Variants in TGFB2 observed in about 807,000 individuals in gnomAD.
TGFB2 encodes transforming growth factor beta 2.
TGFB2 carries 13 observed loss-of-function variants against 42.7 expected under a neutral mutation model. The observed-to-expected ratio is 0.30, with a 90% CI of 0.20 to 0.48. The LOEUF is 0.48. Ranked by LOEUF, TGFB2 falls within the 20% of genes least tolerant of loss-of-function variation. The pLI is 0.99. For synonymous variants in TGFB2, 193 were observed against 193.6 expected, an observed-to-expected ratio of 1.00 and a Z score of 0.03; for missense variants, 390 against 517.5, an observed-to-expected ratio of 0.75 and a Z score of 2.39.
chr1:218,361,957 G>A (rs796588899), intron 1 of TGFB2, among the ~76,000 whole-genome samples: 8 of 152,304 alleles, frequency 5.3e-5, no homozygotes, highest in African/African-American at 1.7e-4. Context: ...TTGGGTCTTC[G>A]TCTTCCATGC....
chr1:218,371,599 T>C (rs1490240007), intron 1 of TGFB2, among the ~76,000 whole-genome samples: 1 of 152,202 alleles, frequency 6.6e-6, no homozygotes, highest in African/African-American at 2.4e-5. Flanking sequence ...GGAGTTTATG[T>C]ATGTCCGGCA....
chr1:218,413,836 A>G (rs1659183074), intron 2 of TGFB2, among the ~76,000 whole-genome samples: 1 of 152,246 alleles, frequency 6.6e-6, no homozygotes, highest in Non-Finnish European at 1.5e-5. Context: ...TCTAGAGGCT[A>G]TCGGTTGCAA....
intron 1 of TGFB2, among the ~76,000 whole-genome samples, chr1:218,372,227 G>A (rs1657596436): frequency 6.6e-6 from 1 of 152,200 alleles, no homozygotes; most frequent in South Asian, 2.1e-4. Context: ...GCCCTGTTGT[G>A]TGTATGATGC....
At chr1:218,394,523 C>T (rs533633564) in intron 1 of TGFB2, among the ~76,000 whole-genome samples, 4 of 152,126 alleles carry the variant, frequency 2.6e-5, no homozygotes, top group South Asian at 4.2e-4. Context: ...GCTGACAGTA[C>T]GCACAGTCTC....
chr1:218,391,118 A>T (rs1276933273), intron 1 of TGFB2, among the ~76,000 whole-genome samples: 2 of 152,214 alleles, frequency 1.3e-5, no homozygotes, highest in African/African-American at 4.8e-5. Context: ...AAGGAAGTAT[A>T]TTTTGAAACG....
chr1:218,429,652 C>T (rs1039717922), intron 2 of TGFB2, among the ~76,000 whole-genome samples: 2 of 152,152 alleles, frequency 1.3e-5, no homozygotes, highest in African/African-American at 4.8e-5. Context: ...CAATGTTTGC[C>T]TTTTTGAGGA....
At chr1:218,359,852 C>CT (rs1283037634) in intron 1 of TGFB2, among the ~76,000 whole-genome samples, 2 of 152,148 alleles carry the variant, frequency 1.3e-5, no homozygotes, top group African/African-American at 4.8e-5. Context: ...TCTAATTTTA[C>CT]TTAAGATATC....
intron 1 of TGFB2, among the ~76,000 whole-genome samples, chr1:218,404,584 G>T (rs1658843488): frequency 2.6e-5 from 4 of 152,192 alleles, no homozygotes. Flanking sequence ...GTATAAGCTA[G>T]TACGTGGGTT....
chr1:218,361,366 C>A (rs542127192), intron 1 of TGFB2, among the ~76,000 whole-genome samples: 1 of 152,244 alleles, frequency 6.6e-6, no homozygotes, highest in East Asian at 1.9e-4. Context: ...TGAAAGTAAA[C>A]CAAAGGTGCA....
chr1:218,384,692 G>A (rs1394931845), intron 1 of TGFB2, among the ~76,000 whole-genome samples: 2 of 152,162 alleles, frequency 1.3e-5, no homozygotes, highest in African/African-American at 2.4e-5. Flanking sequence ...TTTAACATAC[G>A]TTTGCTTCAT....
Position 218,346,485 on chromosome 1 carries a change from T to A in TGFB2, c.-217T>A, listed in dbSNP as rs1408394370. The A allele has an allele frequency of 2.0e-6, 1 of 500,286 alleles. No homozygotes were observed. The highest frequency in any genetic ancestry group is 2.0e-5 in the African/African-American group (1 of 49,482). The allele number at this position is 500,286 out of a possible 1,614,324, so 31.0% of individuals were successfully genotyped here. A position where few individuals can be genotyped will look rare whatever the true frequency, so the allele number is the denominator to read the frequency against. Reference sequence around the variant, plus strand: ...CCTCTGCCCGTCCCGTATTAATATTTCCACTTTTGGAACTACTGGCCTTTT... The same window carrying A: ...CCTCTGCCCGTCCCGTATTAATATTACCACTTTTGGAACTACTGGCCTTTT... On this transcript the variant is annotated 5_prime_UTR_variant, in exon 1 of 7. Transcript: ENST00000366930. The surrounding 1 kb of genome is among the most constrained non-coding windows in gnomAD (Gnocchi z 4.9).
chr1:218,346,722 C>G lies in TGFB2; in HGVS notation c.21C>G (p.Ser7Arg), dbSNP rs1558219899. ...AAAAAATGCACTACTGTGTGCTGAG[C>G]GCTTTTCTGATCCTGCATCTGGTCA... The part of the protein sequence containing the change: MHYCVL[S>R]AFLILHLVTV... Residue 7 changes from serine to arginine, a missense_variant, in exon 1 of 7, where the codon AGC (serine) becomes AGG (arginine). By Grantham distance (110) the Ser-to-Arg change is moderately radical. Transcript: ENST00000366930. This position sits in a 1 kb window ranked among gnomAD's most constrained non-coding sequence, Gnocchi z 4.9. The G allele has an allele frequency of 6.2e-7, 1 of 1,613,238 alleles. No individual in the cohort carries two copies. Among genetic ancestry groups the G allele is most frequent in the Non-Finnish European group, 8.5e-7 (1 of 1,179,840 alleles).
chr1:218,425,381 G>T (rs572156723), intron 2 of TGFB2, among the ~76,000 whole-genome samples: 6 of 151,826 alleles, frequency 4.0e-5, no homozygotes, highest in Non-Finnish European at 8.8e-5. Context: ...CTAATTTTTT[G>T]TATTTTTAGT....
chr1:218,364,194 A>G (rs1657310401), intron 1 of TGFB2, among the ~76,000 whole-genome samples: 1 of 152,104 alleles, frequency 6.6e-6, no homozygotes, highest in African/African-American at 2.4e-5. Flanking sequence ...TGCTTAAGGA[A>G]ATGGATCGTC....
At chr1:218,358,818 A>C (rs1657121164) in intron 1 of TGFB2, among the ~76,000 whole-genome samples, 1 of 152,108 alleles carries the variant, frequency 6.6e-6, no homozygotes, top group African/African-American at 2.4e-5. Flanking sequence ...CTGGGATTAC[A>C]GTCGTGAGCC....
In TGFB2 at chr1:218,437,428, G is replaced by A. The variant is rs781013995; in HGVS notation, c.1018G>A (p.Gly340Arg). 1 of 1,613,452 alleles carries A rather than the reference G, an allele frequency of 6.2e-7. No homozygotes were observed. Among genetic ancestry groups the A allele is most frequent in the Non-Finnish European group, 8.5e-7 (1 of 1,179,822 alleles). The change falls in exon 6 of 7, where the codon GGG (glycine) becomes AGG (arginine). Residue 340 changes from glycine (G) to arginine (R), a missense_variant. Gly to Arg is a moderately radical substitution (Grantham distance 125, BLOSUM62 -2). Transcript: ENST00000366930. ...LGWKWIHEPK[G>R]YNANFCAGAC... ...GTGGAAATGGATACACGAACCCAAA[G>A]GGTACAATGCCAACTTCTGTGCTGG...
intron 2 of TGFB2, among the ~76,000 whole-genome samples, chr1:218,433,193 C>T (rs1388098319): frequency 2.0e-5 from 3 of 152,156 alleles, no homozygotes; most frequent in African/African-American, 7.2e-5. Flanking sequence ...TTCAGCCTCC[C>T]GAGTAGCTGG....
rs892738512 is a variant in TGFB2, at chr1:218,442,040, G to A, written c.*678G>A. The A allele has an allele frequency of 1.3e-5, 2 of 152,142 alleles. No homozygotes were observed. The highest frequency in any genetic ancestry group is 4.8e-5 in the African/African-American group (2 of 41,448). The allele number at this position is 152,142 out of a possible 1,614,324, so 9.4% of individuals were successfully genotyped here. A position where few individuals can be genotyped will look rare whatever the true frequency, so the allele number is the denominator to read the frequency against. Reference sequence around the variant, plus strand: ...CCGAGAAAGTCTGCATTAAGATAAAGACCCTGAAAACACATGTTATGTATC... The same window carrying A: ...CCGAGAAAGTCTGCATTAAGATAAAAACCCTGAAAACACATGTTATGTATC... On this transcript the variant is annotated 3_prime_UTR_variant, in exon 7 of 7. Transcript: ENST00000366930.
intron 1 of TGFB2, among the ~76,000 whole-genome samples, chr1:218,399,414 A>G (rs1048192850): frequency 1.3e-5 from 2 of 152,220 alleles, no homozygotes; most frequent in African/African-American, 4.8e-5. Flanking sequence ...AAAATTAAAA[A>G]TTAAAAAAAA....
Sources: gnomAD v4.1 joint callset for allele counts (sites outside exome capture counted in the v4.1 genomes callset) on GRCh38, gnomAD v4.1.1 for gene constraint, Gnocchi (gnomAD v3.1) non-coding constraint, MANE v1.5 for transcripts, NCBI Gene and HGNC (gene_info 2026-07-23, HGNC 2026-07-21) for gene names.